The following PRICKLE2 variants were observed in gnomAD, a reference collection of about 807,000 sequenced individuals.
PRICKLE2 encodes prickle-like protein 2.
PRICKLE2 carries 21 observed loss-of-function variants against 81.4 expected under a neutral mutation model. The ratio of observed to expected loss-of-function variants is 0.26; its 90% CI spans 0.18 to 0.37. PRICKLE2 has a LOEUF of 0.37. Ranked by LOEUF, PRICKLE2 falls within the 10% of genes least tolerant of loss-of-function variation. PRICKLE2 has a pLI of 1.00. For missense variants in PRICKLE2, 940 were observed against 1,109.0 expected, an observed-to-expected ratio of 0.85 and a Z score of 2.16; for synonymous variants, 456 against 421.5, an observed-to-expected ratio of 1.08 and a Z score of -1.00.
intron 7 of PRICKLE2, among the ~76,000 whole-genome samples, chr3:64,123,582 AT>A (rs1224732084): frequency 6.6e-6 from 1 of 152,156 alleles, no homozygotes; most frequent in Non-Finnish European, 1.5e-5. Flanking sequence ...TATCAGCACC[AT>A]TTTTCCAACA....
chr3:64,184,418 T>C (rs1202106234), intron 2 of PRICKLE2, among the ~76,000 whole-genome samples: 1 of 152,118 alleles, frequency 6.6e-6, no homozygotes, highest in Non-Finnish European at 1.5e-5. Context: ...CCACAGAAAA[T>C]GGTCCCACTG....
At chr3:64,249,380 G>A (rs1004558775) in intron 2 of PRICKLE2, among the ~76,000 whole-genome samples, 5 of 152,174 alleles carry the variant, frequency 3.3e-5, no homozygotes, top group African/African-American at 1.2e-4. Flanking sequence ...CTCCCAACAT[G>A]GGGGGATTAC....
intron 2 of PRICKLE2, among the ~76,000 whole-genome samples, chr3:64,246,626 A>C (rs2079359715): frequency 6.6e-6 from 1 of 152,160 alleles, no homozygotes; most frequent in African/African-American, 2.4e-5. Flanking sequence ...TTTTTCAGCG[A>C]GTCTGAGGTG....
chr3:64,102,676 C>A (rs559219758), intron 7 of PRICKLE2: 2 of 152,346 alleles, frequency 1.3e-5, no homozygotes, highest in Admixed American at 1.3e-4. Context: ...GCCATCCCCA[C>A]CCCCTGGCCC....
intron 7 of PRICKLE2, among the ~76,000 whole-genome samples, chr3:64,128,931 C>T (rs1424476594): frequency 6.8e-6 from 1 of 147,378 alleles, no homozygotes; most frequent in Non-Finnish European, 1.5e-5. Context: ...TTTTTTTTAA[C>T]TTCGACACTG....
chr3:64,244,000 A>G (rs748668071), intron 2 of PRICKLE2, among the ~76,000 whole-genome samples: 1 of 152,204 alleles, frequency 6.6e-6, no homozygotes, highest in Non-Finnish European at 1.5e-5. Context: ...CAGCCAAATT[A>G]TGGAATAGGA....
intron 7 of PRICKLE2, among the ~76,000 whole-genome samples, chr3:64,116,190 T>G (rs1418883492): frequency 6.6e-6 from 1 of 152,154 alleles, no homozygotes; most frequent in African/African-American, 2.4e-5. Flanking sequence ...GGGATGCAGC[T>G]AAGGCAGTGT....
At chr3:64,244,273 C>A (rs1487132376) in intron 2 of PRICKLE2, among the ~76,000 whole-genome samples, 1 of 152,100 alleles carries the variant, frequency 6.6e-6, no homozygotes, top group Non-Finnish European at 1.5e-5. Context: ...AGGCTGGATA[C>A]CCTGGAATCT....
chr3:64,160,096 T>G lies in PRICKLE2; in HGVS notation c.259-19A>C. 1 of 1,613,228 alleles carries G rather than the reference T, an allele frequency of 6.2e-7. No homozygotes were observed. The highest frequency in any genetic ancestry group is 8.5e-7 in the Non-Finnish European group (1 of 1,179,564). On this transcript the variant is annotated intron_variant, in intron 3 of 7. Coordinates refer to ENST00000638394, the MANE Select transcript of PRICKLE2 (RefSeq NM_198859.4). ...ATCGAACCTGAATAGACACAGACAA[T>G]GGCATGGAAAAAGTCACCCTTGCTC...
chr3:64,200,857 C>T (rs1343914336), intron 1 of PRICKLE2: 1 of 152,132 alleles, frequency 6.6e-6, no homozygotes, highest in Non-Finnish European at 1.5e-5. Flanking sequence ...CCTCATGATC[C>T]ACCCGCGTCA....
intron 7 of PRICKLE2, among the ~76,000 whole-genome samples, chr3:64,115,509 C>A (rs1355705064): frequency 6.6e-6 from 1 of 152,032 alleles, no homozygotes; most frequent in African/African-American, 2.4e-5. Flanking sequence ...GAAAAACCTA[C>A]CAAGCAAATG....
chr3:64,175,206 C>A, intron 2 of PRICKLE2: 1 of 164,126 alleles, frequency 6.1e-6, no homozygotes, highest in Non-Finnish European at 1.4e-5. Context: ...CAGTTGAAAC[C>A]TGCTTTTAGC....
chr3:64,261,829 T>A (rs544256255), intron 2 of PRICKLE2, among the ~76,000 whole-genome samples: 12 of 151,994 alleles, frequency 7.9e-5, no homozygotes, highest in African/African-American at 2.4e-4. Context: ...CACGGCAAAG[T>A]GTTTGGGTTT....
At chr3:64,104,970 T>A (rs2076731382) in intron 7 of PRICKLE2, among the ~76,000 whole-genome samples, 1 of 152,190 alleles carries the variant, frequency 6.6e-6, no homozygotes, top group Non-Finnish European at 1.5e-5. Flanking sequence ...AAATCTAGAA[T>A]CCTTACGCAG....
intron 7 of PRICKLE2, among the ~76,000 whole-genome samples, chr3:64,141,344 G>A (rs779759636): frequency 6.6e-6 from 1 of 152,208 alleles, no homozygotes; most frequent in Non-Finnish European, 1.5e-5. Context: ...TACACCATCT[G>A]TAAAATGGGA....
intron 1 of PRICKLE2, among the ~76,000 whole-genome samples, chr3:64,216,223 G>C (rs953617217): frequency 6.6e-6 from 1 of 152,216 alleles, no homozygotes; most frequent in Non-Finnish European, 1.5e-5. Context: ...AGCCAACTTA[G>C]CAGTTTTAAA....
At chr3:64,150,916 C>T (rs1018846713) in intron 6 of PRICKLE2, among the ~76,000 whole-genome samples, 2 of 152,188 alleles carry the variant, frequency 1.3e-5, no homozygotes, top group Admixed American at 1.3e-4. Context: ...CTGAACTGCT[C>T]CTGAACTCTA....
intron 1 of PRICKLE2, among the ~76,000 whole-genome samples, chr3:64,221,417 T>TCA (rs1312637771): frequency 1.5e-5 from 2 of 129,854 alleles, no homozygotes; most frequent in East Asian, 2.4e-4. Context: ...CCTGCTTGAT[T>TCA]CATACACACA....
chr3:64,134,622 C>T (rs976078260), intron 7 of PRICKLE2, among the ~76,000 whole-genome samples: 2 of 148,294 alleles, frequency 1.3e-5, no homozygotes, highest in Admixed American at 6.6e-5. Context: ...CTCCAAACTT[C>T]GAAGTGTTCC....
Sources: gnomAD v4.1 joint callset for allele counts (sites outside exome capture counted in the v4.1 genomes callset) on GRCh38, gnomAD v4.1.1 for gene constraint, MANE v1.5 for transcripts, NCBI Gene and HGNC (gene_info 2026-07-23, HGNC 2026-07-21) for gene names.